OR3A2: variants seen among roughly 807,000 people sequenced by gnomAD.
The protein encoded by OR3A2 is olfactory receptor 3A2.
For synonymous variants in OR3A2, 126 were observed against 159.3 expected, an observed-to-expected ratio of 0.79 and a Z score of 1.57; for missense variants, 318 against 392.8, an observed-to-expected ratio of 0.81 and a Z score of 1.61.
intron 1 of OR3A2, 133 bp downstream of exon 3, chr17:3,284,225 G>A (rs1292048022): frequency 1.3e-5 from 2 of 150,344 alleles, no homozygotes; most frequent in African/African-American, 4.9e-5. Flanking sequence ...CCTCCGGGCT[G>A]TAGTGCCAGG....
chr17:3,276,413 G>A (rs1360477619), downstream of OR3A2, among the ~76,000 whole-genome samples: 1 of 152,168 alleles, frequency 6.6e-6, no homozygotes, highest in Non-Finnish European at 1.5e-5. Context: ...ATTGTCAGAG[G>A]CGTAAACTCT....
intron 2 of OR3A2, among the ~76,000 whole-genome samples, chr17:3,354,887 G>A (rs2049451924): frequency 6.6e-6 from 1 of 150,998 alleles, no homozygotes; most frequent in African/African-American, 2.5e-5. Flanking sequence ...TTTGAGGTAG[G>A]CATTTATACC....
chr17:3,354,132 G>C (rs1474356052), intron 2 of OR3A2, among the ~76,000 whole-genome samples: 1 of 151,814 alleles, frequency 6.6e-6, no homozygotes, highest in African/African-American at 2.4e-5. Context: ...ATACTGGCCT[G>C]TAGTTGTTGT....
intron 2 of OR3A2, among the ~76,000 whole-genome samples, chr17:3,347,719 C>T (rs1436212837): frequency 5.7e-4 from 87 of 152,118 alleles, no homozygotes; most frequent in Non-Finnish European, 5.9e-5. Context: ...GTGCATGTGT[C>T]TTTATAGAAG....
At chr17:3,281,879 C>A (rs2048778900) in intron 1 of OR3A2, among the ~76,000 whole-genome samples, 2 of 152,118 alleles carry the variant, frequency 1.3e-5, no homozygotes, top group Admixed American at 6.6e-5. Context: ...AGGCCTTTCA[C>A]CAAGAATTTT....
At chr17:3,301,174 C>A (rs1404980380) in intron 3 of OR3A2, among the ~76,000 whole-genome samples, 5 of 152,100 alleles carry the variant, frequency 3.3e-5, no homozygotes, top group African/African-American at 4.8e-5. Context: ...GTCTTTATAG[C>A]AGCATGATTT....
At chr17:3,343,860 C>G (rs1001245194) in intron 2 of OR3A2, among the ~76,000 whole-genome samples, 3 of 152,164 alleles carry the variant, frequency 2.0e-5, no homozygotes, top group Admixed American at 1.3e-4. Flanking sequence ...TCCCCCACCC[C>G]CTTTGCCTCA....
At chr17:3,341,537 A>G (rs230440) in intron 2 of OR3A2, among the ~76,000 whole-genome samples, 55,246 of 151,682 alleles carry the variant, frequency 0.36, 10,752 homozygotes, top group South Asian at 0.5. Flanking sequence ...TAGTTTGGCT[A>G]GATATGAAAT....
intron 1 of OR3A2, among the ~76,000 whole-genome samples, chr17:3,279,600 C>T (rs1597314605): frequency 6.6e-6 from 1 of 152,198 alleles, no homozygotes; most frequent in South Asian, 2.1e-4. Context: ...TTGAGACCAG[C>T]CTGTCCAACA....
chr17:3,315,826 C>A (rs2049078945), intron 3 of OR3A2, among the ~76,000 whole-genome samples: 1 of 151,248 alleles, frequency 6.6e-6, no homozygotes, highest in Admixed American at 6.6e-5. Flanking sequence ...TTCAGAGTGT[C>A]CCGTCATCCT....
exon 3 of OR3A2, chr17:3,336,088 C>A (rs1273686976): frequency 6.6e-6 from 1 of 152,292 alleles, no homozygotes; most frequent in East Asian, 1.9e-4. Context: ...ACTCTCCTTG[C>A]CAACGCTGCC....
intron 2 of OR3A2, among the ~76,000 whole-genome samples, chr17:3,350,554 C>G (rs912135331): frequency 1.3e-5 from 2 of 151,260 alleles, no homozygotes; most frequent in East Asian, 3.9e-4. Context: ...GCTTACCAAC[C>G]AAAAAGAGTC....
At chr17:3,375,078 C>T (rs2049668253) in intron 2 of OR3A2, among the ~76,000 whole-genome samples, 1 of 135,670 alleles carries the variant, frequency 7.4e-6, no homozygotes, top group Admixed American at 8.1e-5. Flanking sequence ...TCTGGTACTT[C>T]ATTGAGTAGC....
chr17:3,286,072 C>A (rs774454447), upstream of OR3A2, among the ~76,000 whole-genome samples: 2 of 152,148 alleles, frequency 1.3e-5, no homozygotes, highest in African/African-American at 2.4e-5. Context: ...CCTTGCCCCC[C>A]ACCCCCCAAG....
intron 3 of OR3A2, among the ~76,000 whole-genome samples, chr17:3,319,523 C>A (rs906955408): frequency 6.6e-6 from 1 of 152,028 alleles, no homozygotes; most frequent in Non-Finnish European, 1.5e-5. Flanking sequence ...CTATCCTTCC[C>A]CCATCCCACC....
At chr17:3,298,921 C>T (rs1490606208) in intron 3 of OR3A2, among the ~76,000 whole-genome samples, 3 of 152,134 alleles carry the variant, frequency 2.0e-5, no homozygotes, top group East Asian at 1.9e-4. Context: ...CAGGAAGGTT[C>T]GGAGGTTTAG....
At chr17:3,294,294 A>G (rs1011452429) in intron 3 of OR3A2, among the ~76,000 whole-genome samples, 1 of 152,100 alleles carries the variant, frequency 6.6e-6, no homozygotes, top group Admixed American at 6.5e-5. Context: ...GGAAGAAGAA[A>G]GAAAAGATGT....
intron 2 of OR3A2, among the ~76,000 whole-genome samples, chr17:3,355,261 T>C (rs953250375): frequency 2.6e-5 from 4 of 151,592 alleles, no homozygotes; most frequent in Non-Finnish European, 5.9e-5. Flanking sequence ...AGGAAAAGAA[T>C]GTGTATTCTG....
chr17:3,362,855 C>A (rs2049529879), intron 2 of OR3A2, among the ~76,000 whole-genome samples: 1 of 151,768 alleles, frequency 6.6e-6, no homozygotes, highest in Non-Finnish European at 1.5e-5. Context: ...CTTCTGTGCA[C>A]CCACAGGCCC....
Sources: allele counts gnomAD v4.1 joint callset (sites outside exome capture counted in the v4.1 genomes callset), GRCh38; gene constraint gnomAD v4.1.1; transcripts MANE v1.5; gene names NCBI Gene and HGNC (gene_info 2026-07-23, HGNC 2026-07-21).